The following CNTN5 variants were observed in gnomAD, a reference collection of about 807,000 sequenced individuals.
CNTN5 encodes the protein contactin-5.
Under a neutral mutation model 129.1 loss-of-function variants are expected in CNTN5, and 77 were observed. That is an observed-to-expected ratio of 0.60 (90% CI 0.50 to 0.72). The LOEUF (loss-of-function observed/expected upper bound fraction) is 0.72, where lower values mean the gene tolerates loss of function less well. Among genes scored for constraint, CNTN5 ranks in the 30% least tolerant of loss-of-function variants. The pLI, the probability that CNTN5 is intolerant of heterozygous loss-of-function variation, is 0.00. For missense variants in CNTN5, 1,478 were observed against 1,328.8 expected, an observed-to-expected ratio of 1.11 and a Z score of -1.75; for synonymous variants, 509 against 465.6, an observed-to-expected ratio of 1.09 and a Z score of -1.20.
At chr11:99,263,154 ATAT>A (rs940222698) in intron 1 of CNTN5, among the ~76,000 whole-genome samples, 1 of 152,086 alleles carries the variant, frequency 6.6e-6, no homozygotes, top group Non-Finnish European at 1.5e-5. Context: ...GCACAGGCAG[ATAT>A]ATCAGATGGT....
intron 9 of CNTN5, 46 bp from the exon 10 acceptor site, chr11:100,061,166 C>T (rs1202081352): frequency 2.8e-6 from 4 of 1,450,396 alleles, no homozygotes; most frequent in East Asian, 2.3e-5. Flanking sequence ...ATCTATGTTC[C>T]TAACAGTGGA....
intron 1 of CNTN5, among the ~76,000 whole-genome samples, chr11:99,110,202 A>G (rs1002065677): frequency 6.6e-6 from 1 of 152,118 alleles, no homozygotes; most frequent in Non-Finnish European, 1.5e-5. Flanking sequence ...TCAAGGAGAA[A>G]GAAGGAATAC....
intron 13 of CNTN5, among the ~76,000 whole-genome samples, chr11:100,115,115 T>TAAAAAAAAAAAA (rs11388029): frequency 5.6e-4 from 44 of 78,294 alleles, no homozygotes; most frequent in African/African-American, 8.7e-4. Flanking sequence ...AGGTATACAG[T>TAAAAAAAAAAAA]AAAAAAAAAA....
At chr11:99,837,507 A>G (rs1020135793) in intron 4 of CNTN5, among the ~76,000 whole-genome samples, 3 of 152,082 alleles carry the variant, frequency 2.0e-5, no homozygotes, top group South Asian at 2.1e-4. Flanking sequence ...AGGAGAGGAT[A>G]AAAGATTGTG....
intron 2 of CNTN5, among the ~76,000 whole-genome samples, chr11:99,451,994 G>T (rs1026702660): frequency 2.0e-5 from 3 of 152,030 alleles, no homozygotes; most frequent in African/African-American, 4.8e-5. Context: ...AGTACAAATT[G>T]CTATGTGTTC....
At chr11:99,484,056 G>T (rs933076922) in intron 2 of CNTN5, among the ~76,000 whole-genome samples, 9 of 151,564 alleles carry the variant, frequency 5.9e-5, no homozygotes, top group Non-Finnish European at 1.3e-4. Flanking sequence ...TAAACAAATG[G>T]GACTATATCT....
At chr11:99,875,691 ACT>A (rs1175925558) in intron 6 of CNTN5, among the ~76,000 whole-genome samples, 2 of 151,886 alleles carry the variant, frequency 1.3e-5, no homozygotes, top group Non-Finnish European at 2.9e-5. Context: ...ATTTGTGGTA[ACT>A]CTTTCCAAAT....
At position 99,617,965 on chromosome 11, in the gene CNTN5, C is replaced by A. The variant is rs188652349; in HGVS notation, c.55+61696C>A. Among the ~76,000 whole-genome samples, 18 of 152,222 alleles carry A rather than the reference C, an allele frequency of 1.2e-4. No individual in the cohort carries two copies. The East Asian group carries it at 1.5e-3, about 13-fold the overall frequency. ...GCTTTTATTTTATCTGTAATTACAG[C>A]CCCTAATACAGTATCTCACACAATA... On this transcript the variant is annotated intron_variant, in intron 3 of 24. Transcript: ENST00000524871.
intron 3 of CNTN5, among the ~76,000 whole-genome samples, chr11:99,662,201 A>G (rs1952618518): frequency 6.6e-6 from 1 of 152,206 alleles, no homozygotes; most frequent in Non-Finnish European, 1.5e-5. Context: ...TATTTCAAAG[A>G]AATAGGAAAC....
chr11:99,768,365 A>T (rs1185853428), intron 3 of CNTN5, among the ~76,000 whole-genome samples: 2 of 152,128 alleles, frequency 1.3e-5, no homozygotes, highest in Non-Finnish European at 2.9e-5. Flanking sequence ...ACATCGTCCT[A>T]TATCTCCTAC....
intron 3 of CNTN5, among the ~76,000 whole-genome samples, chr11:99,666,158 G>A (rs1173598972): frequency 6.6e-6 from 1 of 152,106 alleles, no homozygotes; most frequent in Non-Finnish European, 1.5e-5. Flanking sequence ...AGTGGTGACA[G>A]GGCTTCACCA....
At chr11:99,317,596 A>G (rs1267771117) in intron 1 of CNTN5, among the ~76,000 whole-genome samples, 1 of 152,078 alleles carries the variant, frequency 6.6e-6, no homozygotes, top group East Asian at 1.9e-4. Context: ...TATCCCTAAC[A>G]TTTTGACATA....
chr11:100,274,726 C>CA (rs1186051680), intron 18 of CNTN5, among the ~76,000 whole-genome samples: 2 of 152,038 alleles, frequency 1.3e-5, no homozygotes, highest in East Asian at 1.9e-4. Flanking sequence ...ACTAAAAAGT[C>CA]AAAAAATAAC....
chr11:99,804,749 T>C (rs932294035), intron 3 of CNTN5, among the ~76,000 whole-genome samples: 71 of 151,164 alleles, frequency 4.7e-4, no homozygotes, highest in African/African-American at 1.7e-3. Flanking sequence ...TGTGTTTGAG[T>C]CTATGTTTAT....
intron 13 of CNTN5, among the ~76,000 whole-genome samples, chr11:100,127,675 TGAGATGGAGTCTCTCTC>T (rs1306619365): frequency 2.1e-5 from 3 of 140,338 alleles, no homozygotes; most frequent in Non-Finnish European, 3.1e-5. Context: ...TTTTTTTTTT[TGAGATGGAGTCTCTCTC>T]TTGTCACCCA....
intron 17 of CNTN5, among the ~76,000 whole-genome samples, chr11:100,267,470 C>A (rs866599997): frequency 2.0e-5 from 3 of 152,072 alleles, no homozygotes; most frequent in Middle Eastern, 3.4e-3. Flanking sequence ...TAGTCCATAG[C>A]AGGAAGGTTG....
chr11:100,296,511 C>T (rs1345159952), intron 18 of CNTN5, among the ~76,000 whole-genome samples: 2 of 151,402 alleles, frequency 1.3e-5, no homozygotes, highest in East Asian at 3.9e-4. Flanking sequence ...CTGCATAATC[C>T]TATATTGGTA....
At chr11:100,320,285 CTGA>C (rs540660525) in intron 21 of CNTN5, among the ~76,000 whole-genome samples, 79 of 152,214 alleles carry the variant, frequency 5.2e-4, no homozygotes, top group African/African-American at 1.9e-3. Context: ...TTTCATTTCC[CTGA>C]TGATTAGTGA....
rs79033995 is a variant in CNTN5 at position 99,788,775 on chromosome 11, A to G, written c.56-30769A>G. Among the ~76,000 whole-genome samples the G allele has an allele frequency of 0.011, 1,710 of 152,046 alleles. 69 individuals carry two copies. In the East Asian group the frequency reaches 0.14, roughly 12 times the overall value. On this transcript the variant is annotated intron_variant, in intron 3 of 24. Transcript: ENST00000524871. Reference sequence around the variant, plus strand: ...CAGATTAAATTTCTCCTCACTAGAGATAGTAAAAAACTTAGTTGTATCGTG... The same window carrying G: ...CAGATTAAATTTCTCCTCACTAGAGGTAGTAAAAAACTTAGTTGTATCGTG...
Sources: allele counts gnomAD v4.1 joint callset (sites outside exome capture counted in the v4.1 genomes callset), GRCh38; gene constraint gnomAD v4.1.1; transcripts MANE v1.5; gene names NCBI Gene and HGNC (gene_info 2026-07-23, HGNC 2026-07-21).